The following DOCK1 variants were observed in gnomAD, a reference collection of about 807,000 sequenced individuals.
DOCK1 encodes dedicator of cytokinesis 1.
Under a neutral mutation model 262.7 loss-of-function variants are expected in DOCK1, and 138 were observed. That is an observed-to-expected ratio of 0.53 (90% confidence interval 0.46 to 0.61). The LOEUF is 0.61. Among genes scored for constraint, DOCK1 ranks in the 20% least tolerant of loss-of-function variants. The pLI is 0.00. For synonymous variants in DOCK1, 866 were observed against 867.4 expected, an observed-to-expected ratio of 1.00 and a Z score of 0.03; for missense variants, 1,908 against 2,370.7, an observed-to-expected ratio of 0.80 and a Z score of 4.05.
chr10:127,018,586 A>G, intron 12 of DOCK1, 124 bp from the exon 13 acceptor site: 1 of 1,487,988 alleles, frequency 6.7e-7, no homozygotes. Context: ...TCATATACCC[A>G]CCTTTTCTCT....
At chr10:127,037,112 C>T (rs1023288460) in intron 18 of DOCK1, among the ~76,000 whole-genome samples, 5 of 151,334 alleles carry the variant, frequency 3.3e-5, no homozygotes, top group African/African-American at 1.2e-4. Context: ...TAAAATGCAA[C>T]AAACAAAAAC....
chr10:127,186,469 A>G (rs1370107888), intron 27 of DOCK1, among the ~76,000 whole-genome samples: 2 of 123,706 alleles, frequency 1.6e-5, no homozygotes, highest in Admixed American at 1.0e-4. Context: ...ATCTCCTGCG[A>G]TTTCACTCAC....
chr10:127,321,181 C>A (rs562810987), intron 29 of DOCK1, among the ~76,000 whole-genome samples: 1 of 151,182 alleles, frequency 6.6e-6, no homozygotes, highest in African/African-American at 2.4e-5. Flanking sequence ...ATGTCTCATT[C>A]CTTCTCTCCC....
chr10:126,911,868 A>C (rs2031819219), intron 1 of DOCK1, among the ~76,000 whole-genome samples: 1 of 152,138 alleles, frequency 6.6e-6, no homozygotes, highest in African/African-American at 2.4e-5. Flanking sequence ...TATTGATATG[A>C]TGGGAAGTGC....
At chr10:127,325,214 C>T (rs1354599208) in intron 29 of DOCK1, among the ~76,000 whole-genome samples, 1 of 152,112 alleles carries the variant, frequency 6.6e-6, no homozygotes, top group East Asian at 1.9e-4. Flanking sequence ...ATAAGAATAG[C>T]CGAAGCACCC....
intron 29 of DOCK1, among the ~76,000 whole-genome samples, chr10:127,305,446 T>C (rs2061838575): frequency 6.6e-6 from 1 of 152,180 alleles, no homozygotes; most frequent in Non-Finnish European, 1.5e-5. Context: ...TGTCTGAGGA[T>C]TTTTGTGTTC....
At chr10:127,128,330 C>T (rs2050097758) in intron 27 of DOCK1, among the ~76,000 whole-genome samples, 2 of 77,974 alleles carry the variant, frequency 2.6e-5, no homozygotes, top group East Asian at 6.0e-4. Flanking sequence ...GAGTAGATCT[C>T]GTTTAATTTT....
At chr10:127,237,221 A>G (rs547718899) in intron 27 of DOCK1, among the ~76,000 whole-genome samples, 1 of 151,882 alleles carries the variant, frequency 6.6e-6, no homozygotes, top group Non-Finnish European at 1.5e-5. Context: ...TTAGCCGGGT[A>G]TGGTGACGGG....
chr10:127,103,107 T>C (rs1345600293), intron 23 of DOCK1, among the ~76,000 whole-genome samples: 1 of 152,230 alleles, frequency 6.6e-6, no homozygotes, highest in African/African-American at 2.4e-5. Flanking sequence ...CACGTGCATC[T>C]GTGTTCTAGG....
chr10:127,236,667 C>T (rs1412617573), intron 27 of DOCK1, among the ~76,000 whole-genome samples: 1 of 151,558 alleles, frequency 6.6e-6, no homozygotes, highest in Non-Finnish European at 1.5e-5. Context: ...ATGGTATATT[C>T]CTCCAATTTT....
At chr10:127,155,461 T>G (rs2133553833) in intron 27 of DOCK1, among the ~76,000 whole-genome samples, 1 of 152,294 alleles carries the variant, frequency 6.6e-6, no homozygotes, top group Non-Finnish European at 1.5e-5. Flanking sequence ...GTCTCTATCG[T>G]CTTTCCATCA....
At chr10:127,259,690 A>G (rs1169164508) in intron 29 of DOCK1, among the ~76,000 whole-genome samples, 2 of 152,000 alleles carry the variant, frequency 1.3e-5, no homozygotes, top group Non-Finnish European at 2.9e-5. Flanking sequence ...GCTCTGACAA[A>G]GGTCAGGCGG....
At chr10:127,433,135 C>T in intron 47 of DOCK1, 148 bp from the exon 48 acceptor site, 1 of 1,104,396 alleles carries the variant, frequency 9.1e-7, no homozygotes. Flanking sequence ...TTTTGTCTTC[C>T]ACTCAGAACA....
chr10:127,229,690 A>C (rs1379857478), intron 27 of DOCK1, among the ~76,000 whole-genome samples: 1 of 152,170 alleles, frequency 6.6e-6, no homozygotes, highest in Admixed American at 6.5e-5. Flanking sequence ...TACAGTGTAC[A>C]TGGGAGTGCA....
intron 19 of DOCK1, among the ~76,000 whole-genome samples, chr10:127,041,990 C>G (rs990357908): frequency 6.6e-6 from 1 of 152,166 alleles, no homozygotes; most frequent in African/African-American, 2.4e-5. Context: ...GTGTGACATG[C>G]CTTTGAAGTC....
chr10:127,311,040 T>A (rs908984085), intron 29 of DOCK1, among the ~76,000 whole-genome samples: 1 of 152,204 alleles, frequency 6.6e-6, no homozygotes, highest in African/African-American at 2.4e-5. Flanking sequence ...GATGACAGAT[T>A]GGGCATAAGA....
At chr10:127,373,040 GT>G (rs1344067396) in intron 33 of DOCK1, among the ~76,000 whole-genome samples, 1 of 152,126 alleles carries the variant, frequency 6.6e-6, no homozygotes, top group Non-Finnish European at 1.5e-5. Flanking sequence ...TGTTATCGAG[GT>G]TTTTTTCAGC....
chr10:127,217,096 A>G (rs914750606), intron 27 of DOCK1, among the ~76,000 whole-genome samples: 15 of 152,214 alleles, frequency 9.9e-5, no homozygotes, highest in Non-Finnish European at 2.1e-4. Context: ...GGGAAGGGGC[A>G]CAGGCAGGAA....
intron 6 of DOCK1, among the ~76,000 whole-genome samples, chr10:126,991,550 A>G (rs2039788299): frequency 6.6e-6 from 1 of 150,806 alleles, no homozygotes; most frequent in Admixed American, 6.6e-5. Context: ...TTTTTTTGAG[A>G]TGGAGTTTCG....
Sources: gnomAD v4.1 joint callset for allele counts (sites outside exome capture counted in the v4.1 genomes callset) on GRCh38, gnomAD v4.1.1 for gene constraint, MANE v1.5 for transcripts, NCBI Gene and HGNC (gene_info 2026-07-23, HGNC 2026-07-21) for gene names.